Variants in RBPJ observed in about 807,000 individuals in gnomAD.
RBPJ encodes the protein recombining binding protein suppressor of hairless.
A neutral mutation model predicts 67.8 loss-of-function variants in RBPJ; 9 were observed. The ratio of observed to expected loss-of-function variants is 0.13; its 90% confidence interval spans 0.08 to 0.23. The LOEUF is 0.23. Among genes scored for constraint, RBPJ ranks in the 10% least tolerant of loss-of-function variants. The pLI, the probability that RBPJ is intolerant of heterozygous loss-of-function variation, is 1.00. For synonymous variants in RBPJ, 198 were observed against 203.3 expected (o/e 0.97, Z 0.22); for missense variants, 305 against 595.6 (o/e 0.51, Z 5.08).
chr4:26,202,864 A>T (rs1352271516), intron 1 of RBPJ, among the ~76,000 whole-genome samples: 1 of 151,406 alleles, frequency 6.6e-6, no homozygotes, highest in Non-Finnish European at 1.5e-5. Flanking sequence ...AGCTGAGATC[A>T]CACCACCGTA....
At chr4:26,230,517 G>A (rs561134276) in intron 1 of RBPJ, among the ~76,000 whole-genome samples, 1 of 152,318 alleles carries the variant, frequency 6.6e-6, no homozygotes, top group African/African-American at 2.4e-5. Flanking sequence ...GGCATGAGGA[G>A]GTCAGTAACA....
rs1736502301 is a variant in RBPJ, at chr4:26,434,518, A to C, written c.*3511A>C. On this transcript the variant is annotated 3_prime_UTR_variant, in exon 11 of 11. Transcript: ENST00000355476. Reference sequence around the variant, plus strand: ...GTGCCAGACTTATGACTTTGTTTTCAAGCACTGTAATGTGGGATGGATGGT... The same window carrying C: ...GTGCCAGACTTATGACTTTGTTTTCCAGCACTGTAATGTGGGATGGATGGT... 1 of 152,230 alleles carries C rather than the reference A, an allele frequency of 6.6e-6. No homozygotes were observed. Among genetic ancestry groups the C allele is most frequent in the African/African-American group, 2.4e-5 (1 of 41,456 alleles). The allele number at this position is 152,230 out of a possible 1,614,324, so 9.4% of individuals were successfully genotyped here. A position where few individuals can be genotyped will look rare whatever the true frequency, so the allele number is the denominator to read the frequency against.
In RBPJ at chr4:26,424,156, CATT is replaced by C. The variant is rs897895207; in HGVS notation, c.497-181_497-179del. ...TGGACATTTGATATCATTAGCTTGA[CATT>C]ATTAATAACAGTTACCTTGACTTTT... On this transcript the variant is annotated intron_variant, in intron 5 of 10. Transcript: ENST00000355476. The surrounding 1 kb of genome is among the most constrained non-coding windows in gnomAD (Gnocchi z 5.3). 6.6e-6 allele frequency among the ~76,000 whole-genome samples: 1 copy of C among 152,214 alleles called. No homozygotes were observed. Among genetic ancestry groups the C allele is most frequent in the Non-Finnish European group, 1.5e-5 (1 of 68,038 alleles).
At chr4:26,171,319 G>C (rs1360189336) in intron 1 of RBPJ, among the ~76,000 whole-genome samples, 1 of 151,568 alleles carries the variant, frequency 6.6e-6, no homozygotes, top group Non-Finnish European at 1.5e-5. Context: ...AGTATACAAG[G>C]TGTCACTGTA....
chr4:26,145,031 T>C, the RBPJ span, among the ~76,000 whole-genome samples: 101,754 of 139,530 alleles, frequency 0.73, 39,156 homozygotes, highest in Non-Finnish European at 0.86. Context: ...TCTTCTTCTT[T>C]TTTTTTTTTT....
chr4:26,213,278 C>A (rs1242320142), intron 1 of RBPJ, among the ~76,000 whole-genome samples: 1 of 152,156 alleles, frequency 6.6e-6, no homozygotes, highest in Non-Finnish European at 1.5e-5. Flanking sequence ...GTGTCTGCTG[C>A]AGAATTGATT....
intron 1 of RBPJ, among the ~76,000 whole-genome samples, chr4:26,302,585 G>A (rs1294288810): frequency 1.3e-5 from 2 of 152,186 alleles, no homozygotes; most frequent in Non-Finnish European, 2.9e-5. Flanking sequence ...AAGTGACCCA[G>A]CAGGCCTAGC....
At chr4:26,304,110 A>G (rs974370564) in intron 1 of RBPJ, among the ~76,000 whole-genome samples, 4 of 152,200 alleles carry the variant, frequency 2.6e-5, no homozygotes, top group African/African-American at 9.6e-5. Context: ...CTAGAATCCC[A>G]CAAGATCTTT....
intron 1 of RBPJ, among the ~76,000 whole-genome samples, chr4:26,199,315 G>A (rs563561283): frequency 2.0e-5 from 3 of 152,278 alleles, no homozygotes; most frequent in South Asian, 2.1e-4. Context: ...ATGGTGGTGT[G>A]CGCCTGTAGT....
chr4:26,370,856 A>C (rs1316474755), intron 1 of RBPJ, among the ~76,000 whole-genome samples: 1 of 152,120 alleles, frequency 6.6e-6, no homozygotes, highest in South Asian at 2.1e-4. Context: ...CGAGGCCGGC[A>C]GATCACGAGA....
chr4:26,318,293 GC>G (rs538867872), upstream of RBPJ, among the ~76,000 whole-genome samples: 11 of 152,226 alleles, frequency 7.2e-5, no homozygotes, highest in African/African-American at 2.4e-4. Flanking sequence ...ATAATGCCAG[GC>G]TAAGGCTGGT....
intron 1 of RBPJ, among the ~76,000 whole-genome samples, chr4:26,186,553 C>G (rs529515525): frequency 1.3e-4 from 20 of 152,184 alleles, no homozygotes; most frequent in African/African-American, 4.8e-4. Flanking sequence ...TGAGCGAGAC[C>G]CTCTGAGGTC....
Position 26,430,729 on chromosome 4 carries a change from T to A in RBPJ, c.1186T>A (p.Ser396Thr), listed in dbSNP as rs200263957. 1 of 1,614,016 alleles carries A rather than the reference T, an allele frequency of 6.2e-7. No individual in the cohort carries two copies. Among genetic ancestry groups the A allele is most frequent in the Non-Finnish European group, 8.5e-7 (1 of 1,180,026 alleles). ...ESMLCVVPDI[S>T]AFREGWRWVR... ...TATGCTCTGTGTCGTCCCAGACATT[T>A]CTGCATTCCGAGAAGGTTGGAGATG... is the stretch of plus-strand genomic sequence containing the variant. Residue 396 changes from serine (S) to threonine (T), a missense_variant, in exon 11 of 11, where the codon TCT becomes ACT. Physicochemically the swap from Ser to Thr is moderately conservative, Grantham distance 58. This residue lies in a region of RBPJ where 47 missense variants were observed against 128.2 expected (regional missense o/e 0.37). Transcript: ENST00000355476. The surrounding 1 kb of genome is among the most constrained non-coding windows in gnomAD (Gnocchi z 4.1).
chr4:26,385,915 A>G (rs1730870159), intron 1 of RBPJ, among the ~76,000 whole-genome samples: 1 of 151,932 alleles, frequency 6.6e-6, no homozygotes, highest in African/African-American at 2.4e-5. Context: ...CTCTTGTCCC[A>G]CTTCAGCCTC....
At chr4:26,343,555 G>GT (rs150586776) in intron 1 of RBPJ, among the ~76,000 whole-genome samples, 5,103 of 146,382 alleles carry the variant, frequency 0.035, 181 homozygotes, top group East Asian at 0.2. Flanking sequence ...TTTGTTTATT[G>GT]TTTTTTTTTT....
At chr4:26,147,009 G>A in the RBPJ span, among the ~76,000 whole-genome samples, 1 of 152,228 alleles carries the variant, frequency 6.6e-6, no homozygotes, top group Non-Finnish European at 1.5e-5. Context: ...GAAAGGAGGA[G>A]GGAGTTGCCC....
At chr4:26,255,249 A>G (rs1353202271) in intron 1 of RBPJ, among the ~76,000 whole-genome samples, 1 of 138,776 alleles carries the variant, frequency 7.2e-6, no homozygotes, top group Admixed American at 7.1e-5. Flanking sequence ...CTAAAAATAC[A>G]AAAAATGAGC....
intron 1 of RBPJ, among the ~76,000 whole-genome samples, chr4:26,183,862 A>G (rs183517833): frequency 1.3e-5 from 2 of 152,238 alleles, no homozygotes; most frequent in East Asian, 1.9e-4. Context: ...AATACAAAAA[A>G]TTAGCCAAGC....
intron 1 of RBPJ, among the ~76,000 whole-genome samples, chr4:26,246,119 A>G (rs1719921336): frequency 6.6e-6 from 1 of 152,184 alleles, no homozygotes; most frequent in African/African-American, 2.4e-5. Flanking sequence ...CCATTTTGAT[A>G]GGCATTGTTT....
Sources: allele counts gnomAD v4.1 joint callset (sites outside exome capture counted in the v4.1 genomes callset), GRCh38; gene constraint gnomAD v4.1.1; regional missense constraint gnomAD v4.1.1; non-coding constraint Gnocchi (gnomAD v3.1); transcripts MANE v1.5; gene names NCBI Gene and HGNC (gene_info 2026-07-23, HGNC 2026-07-21).